MTA3: variants seen among roughly 807,000 people sequenced by gnomAD.
MTA3 encodes metastasis-associated protein MTA3.
In MTA3, 34 loss-of-function variants were observed where a neutral mutation model predicts 83.5. That is an observed-to-expected ratio of 0.41 (90% CI 0.31 to 0.54). The LOEUF (loss-of-function observed/expected upper bound fraction) is 0.54, where lower values mean the gene tolerates loss of function less well. MTA3 is among the 20% of genes least tolerant of loss of function. The pLI is 0.33. For synonymous variants in MTA3, 303 were observed against 252.7 expected (o/e 1.20, Z -1.89); for missense variants, 761 against 726.4 (o/e 1.05, Z -0.55).
chr2:42,708,108 A>T, intron 13 of MTA3, 54 bp downstream of exon 13: 1 of 1,537,620 alleles, frequency 6.5e-7, no homozygotes, highest in African/African-American at 1.4e-5. Flanking sequence ...TGGGTTGATT[A>T]TTCCTTGGAA....
intron 6 of MTA3, among the ~76,000 whole-genome samples, chr2:42,645,175 CAAAAAAAAAAAA>C: frequency 2.5e-5 from 1 of 39,876 alleles, no homozygotes; most frequent in South Asian, 9.6e-4. Context: ...GACTCTGTCT[CAAAAAAAAAAAA>C]AAAAAAAAAA....
chr2:42,667,570 T>TTATGTGTGTG lies in MTA3; in HGVS notation c.702+7709_702+7710insATGTGTGTGT, dbSNP rs770325715. ...TGTCAGAATTTCCATCATTTAAAAA[T>TTATGTGTGTG]TGTGTGTGTGTGTGTGTGTGTGTGT... is the stretch of plus-strand genomic sequence containing the variant. On this transcript the variant is annotated intron_variant, in intron 8 of 16. Transcript: ENST00000405094. Among the ~76,000 whole-genome samples, 35 of 145,118 alleles carry TTATGTGTGTG rather than the reference T, an allele frequency of 2.4e-4. 1 individual carries two copies. The highest frequency in any genetic ancestry group is 7.9e-4 in the African/African-American group (31 of 39,294).
chr2:42,497,847 A>G (rs1472859976), intron 2 of MTA3, among the ~76,000 whole-genome samples: 3 of 152,370 alleles, frequency 2.0e-5, no homozygotes, highest in East Asian at 1.9e-4. Flanking sequence ...AGCCCAAATC[A>G]GCCATGCTCA....
intron 9 of MTA3, among the ~76,000 whole-genome samples, chr2:42,682,955 C>T (rs924165006): frequency 3.9e-5 from 6 of 152,026 alleles, no homozygotes; most frequent in East Asian, 1.9e-4. Flanking sequence ...GCCTGTAGCC[C>T]GAGCTACTGA....
intron 2 of MTA3, among the ~76,000 whole-genome samples, chr2:42,559,717 A>G (rs563379591): frequency 6.7e-6 from 1 of 149,826 alleles, no homozygotes; most frequent in African/African-American, 2.5e-5. Context: ...CATCTCTACT[A>G]AACACAAAAT....
intron 2 of MTA3, among the ~76,000 whole-genome samples, chr2:42,551,781 G>A (rs1179725795): frequency 6.6e-6 from 1 of 150,542 alleles, no homozygotes; most frequent in Non-Finnish European, 1.5e-5. Context: ...GCTCTGGAGT[G>A]CAGTGGTGCG....
At chr2:42,506,765 A>T (rs1344694602) in intron 2 of MTA3, among the ~76,000 whole-genome samples, 3 of 151,786 alleles carry the variant, frequency 2.0e-5, no homozygotes, top group African/African-American at 7.3e-5. Context: ...AGACCACCAC[A>T]CCCAGCTAAT....
chr2:42,584,962 C>T (rs181645504), intron 3 of MTA3, among the ~76,000 whole-genome samples: 83 of 151,480 alleles, frequency 5.5e-4, no homozygotes, highest in Non-Finnish European at 1.0e-3. Flanking sequence ...GACAGAGTCT[C>T]GCTCTGTCAC....
At chr2:42,687,089 T>G (rs1056037707) in intron 9 of MTA3, among the ~76,000 whole-genome samples, 2 of 152,216 alleles carry the variant, frequency 1.3e-5, no homozygotes, top group African/African-American at 4.8e-5. Context: ...ATCGCGCCAC[T>G]GCACTCTAGC....
intron 3 of MTA3, among the ~76,000 whole-genome samples, chr2:42,606,577 A>T (rs1357344253): frequency 7.4e-6 from 1 of 134,682 alleles, no homozygotes; most frequent in East Asian, 2.3e-4. Context: ...CCGGGCGGAG[A>T]CGCTCCTCAC....
chr2:42,659,864 T>G lies in MTA3; in HGVS notation c.702+2T>G. 6.3e-7 allele frequency: 1 copy of G among 1,594,058 alleles called. No homozygotes were observed. On this transcript the variant is annotated splice_donor_variant, in intron 8 of 16. Transcript: ENST00000405094. LOFTEE classifies it high-confidence loss of function. ...GCAGCTTCCCGAGACATCACCTTGG[T>G]AAGACATGGTTTGAAATTTTGTGGG...
chr2:42,660,837 G>T (rs543709398), intron 8 of MTA3, among the ~76,000 whole-genome samples: 2 of 152,194 alleles, frequency 1.3e-5, no homozygotes, highest in South Asian at 4.2e-4. Context: ...ACTCATAGAG[G>T]AATACACATC....
intron 3 of MTA3, chr2:42,581,728 G>T: frequency 3.6e-6 from 1 of 275,776 alleles, no homozygotes; most frequent in Non-Finnish European, 7.1e-6. Flanking sequence ...TAAATCCAAA[G>T]TATATGAACA....
At chr2:42,578,853 T>A (rs532339440) in intron 2 of MTA3, among the ~76,000 whole-genome samples, 1 of 152,342 alleles carries the variant, frequency 6.6e-6, no homozygotes, top group Non-Finnish European at 1.5e-5. Context: ...GCTTTAATCA[T>A]TAAAGCAGTC....
chr2:42,634,212 T>G (rs879697392), intron 4 of MTA3, among the ~76,000 whole-genome samples: 14 of 152,084 alleles, frequency 9.2e-5, no homozygotes, highest in Non-Finnish European at 1.5e-4. Flanking sequence ...ATATATAGAG[T>G]CATTGTACAT....
At chr2:42,537,124 T>G (rs1676282113) in intron 2 of MTA3, among the ~76,000 whole-genome samples, 1 of 152,152 alleles carries the variant, frequency 6.6e-6, no homozygotes, top group Non-Finnish European at 1.5e-5. Flanking sequence ...TCCTCCACAT[T>G]CTACACCTGT....
intron 14 of MTA3, among the ~76,000 whole-genome samples, chr2:42,710,994 A>T (rs550570605): frequency 6.6e-6 from 1 of 151,754 alleles, no homozygotes; most frequent in Non-Finnish European, 1.5e-5. Context: ...CAAGAGAATC[A>T]CTTGAACCTG....
intron 8 of MTA3, among the ~76,000 whole-genome samples, chr2:42,669,920 G>A (rs1690643103): frequency 6.6e-6 from 1 of 152,180 alleles, no homozygotes; most frequent in South Asian, 2.1e-4. Context: ...GATAATTGGT[G>A]GAAAGATTTG....
chr2:42,547,001 C>G (rs180853681), intron 2 of MTA3, among the ~76,000 whole-genome samples: 39 of 152,304 alleles, frequency 2.6e-4, no homozygotes, highest in African/African-American at 8.7e-4. Context: ...ATCTGCCAGG[C>G]TTCACGAGGA....
Sources: gnomAD v4.1 joint callset for allele counts (sites outside exome capture counted in the v4.1 genomes callset) on GRCh38, gnomAD v4.1.1 for gene constraint, MANE v1.5 for transcripts, NCBI Gene and HGNC (gene_info 2026-07-23, HGNC 2026-07-21) for gene names.